TNFRSF10A: variants seen among roughly 807,000 people sequenced by gnomAD.
TNFRSF10A encodes TNF receptor superfamily member 10a.
Under a neutral mutation model 42.8 loss-of-function variants are expected in TNFRSF10A, and 44 were observed. The observed-to-expected ratio is 1.03, with a 90% confidence interval of 0.81 to 1.32. The LOEUF is 1.32. TNFRSF10A is among the 40% of genes most tolerant of loss of function. The pLI is 0.00. For missense variants in TNFRSF10A, 680 were observed against 602.0 expected (o/e 1.13, Z -1.36); for synonymous variants, 259 against 234.2 (o/e 1.11, Z -0.97).
intron 2 of TNFRSF10A, among the ~76,000 whole-genome samples, chr8:23,209,572 C>A (rs2128849845): frequency 6.6e-6 from 1 of 152,350 alleles, no homozygotes; most frequent in Admixed American, 6.5e-5. Flanking sequence ...GGATGTAAGA[C>A]AAGGAGTCAA....
chr8:23,210,550 C>A (rs930074066), intron 2 of TNFRSF10A, among the ~76,000 whole-genome samples: 2 of 152,116 alleles, frequency 1.3e-5, no homozygotes, highest in African/African-American at 4.8e-5. Context: ...GGCGTGGTGG[C>A]AGGCGCCTGT....
At chr8:23,194,394 CAG>C (rs961482219) in intron 9 of TNFRSF10A, among the ~76,000 whole-genome samples, 3 of 152,118 alleles carry the variant, frequency 2.0e-5, no homozygotes, top group African/African-American at 4.8e-5. Flanking sequence ...AATAAGAAAA[CAG>C]AAGTGTCTTC....
chr8:23,198,588 T>G (rs1269455073), intron 8 of TNFRSF10A, among the ~76,000 whole-genome samples: 3 of 151,638 alleles, frequency 2.0e-5, no homozygotes, highest in African/African-American at 7.3e-5. Flanking sequence ...AATGTTCGTT[T>G]AAAACAATGT....
intron 9 of TNFRSF10A, among the ~76,000 whole-genome samples, chr8:23,195,046 C>T (rs1052592819): frequency 6.6e-6 from 1 of 152,186 alleles, no homozygotes; most frequent in South Asian, 2.1e-4. Context: ...GTGGTCCCAG[C>T]TACTCAGGAG....
At chr8:23,214,763 G>T (rs561395205) in intron 1 of TNFRSF10A, among the ~76,000 whole-genome samples, 1 of 152,228 alleles carries the variant, frequency 6.6e-6, no homozygotes, top group South Asian at 2.1e-4. Context: ...TACTAATGAG[G>T]GTTAGGTGAT....
intron 6 of TNFRSF10A, 32 bp from the exon 7 acceptor site, chr8:23,199,949 G>A (rs1800883909): frequency 6.2e-7 from 1 of 1,614,014 alleles, no homozygotes; most frequent in Non-Finnish European, 8.5e-7. Flanking sequence ...TTAGTGGCCA[G>A]GGAGGGGCCC....
chr8:23,217,666 T>C (rs1563386273), intron 1 of TNFRSF10A, among the ~76,000 whole-genome samples: 1 of 151,938 alleles, frequency 6.6e-6, no homozygotes, highest in Non-Finnish European at 1.5e-5. Context: ...ACATGAAACA[T>C]GTCTATGAAA....
chr8:23,198,057 G>A (rs1457358682), intron 8 of TNFRSF10A, among the ~76,000 whole-genome samples: 1 of 151,588 alleles, frequency 6.6e-6, no homozygotes, highest in Non-Finnish European at 1.5e-5. Context: ...GAATAAATGG[G>A]TACTAATGCA....
At chr8:23,220,477 C>T (rs1426281487) in intron 1 of TNFRSF10A, among the ~76,000 whole-genome samples, 2 of 152,212 alleles carry the variant, frequency 1.3e-5, no homozygotes, top group Non-Finnish European at 1.5e-5. Flanking sequence ...TGGCCGTGCT[C>T]CTCTTCAGCT....
At chr8:23,212,056 T>C in intron 2 of TNFRSF10A, 60 bp downstream of exon 2, 1 of 1,418,704 alleles carries the variant, frequency 7.0e-7, no homozygotes, top group South Asian at 1.2e-5. Context: ...AATTTTTGTA[T>C]ATAGTATAGG....
At chr8:23,217,048 A>T (rs1225480500) in intron 1 of TNFRSF10A, among the ~76,000 whole-genome samples, 3 of 152,194 alleles carry the variant, frequency 2.0e-5, no homozygotes, top group African/African-American at 7.2e-5. Context: ...AAGGTGGTTG[A>T]CAATGTTCAG....
At chr8:23,210,467 G>T (rs1801078934) in intron 2 of TNFRSF10A, among the ~76,000 whole-genome samples, 1 of 152,086 alleles carries the variant, frequency 6.6e-6, no homozygotes, top group Non-Finnish European at 1.5e-5. Context: ...AGATCACAAG[G>T]TCAGGAGATC....
rs1382974371 is a variant in TNFRSF10A at position 23,190,923 on chromosome 8, G to A, written c.*771C>T. 6.6e-6 allele frequency: 1 copy of A among 152,190 alleles called. No homozygotes were observed. Among genetic ancestry groups the A allele is most frequent in the African/African-American group, 2.4e-5 (1 of 41,430 alleles). 9.4% of individuals were successfully genotyped at this position (152,190 alleles called of 1,614,324 possible). A position where few individuals can be genotyped will look rare whatever the true frequency, so the allele number is the denominator to read the frequency against. ...CTGGTGTATGCCCTGGAGTCCAAGG[G>A]CTAGAAATCCTAGACTCTGATGTCC... On this transcript the variant is annotated 3_prime_UTR_variant, in exon 10 of 10. Transcript: ENST00000221132.
At chr8:23,211,187 T>A (rs1338509612) in intron 2 of TNFRSF10A, among the ~76,000 whole-genome samples, 1 of 152,146 alleles carries the variant, frequency 6.6e-6, no homozygotes, top group East Asian at 1.9e-4. Context: ...ACATTAAGAA[T>A]AACAAACAAG....
At chr8:23,210,971 ATGG>A (rs1203155739) in intron 2 of TNFRSF10A, among the ~76,000 whole-genome samples, 4 of 152,208 alleles carry the variant, frequency 2.6e-5, no homozygotes, top group Non-Finnish European at 5.9e-5. Flanking sequence ...ATTATATTTA[ATGG>A]TGAACAACTG....
Position 23,199,265 on chromosome 8 carries a change from C to CCAG in TNFRSF10A, c.1012_1014dup (p.Leu338dup), listed in dbSNP as rs1563378131. The CCAG allele has an allele frequency of 6.2e-7, 1 of 1,611,546 alleles. No individual in the cohort carries two copies. Among genetic ancestry groups the CCAG allele is most frequent in the South Asian group, 1.1e-5 (1 of 91,048 alleles). On this transcript the variant is annotated inframe_insertion and splice_region_variant. Transcript: ENST00000221132. ...CTTGGAGGGGCCTGTCCCCAACTCA[C>CCAG]CAGCAGACACTGTGCCTCCCCTGGG...
intron 2 of TNFRSF10A, among the ~76,000 whole-genome samples, chr8:23,203,344 G>C (rs1377355328): frequency 4.6e-5 from 7 of 152,304 alleles, no homozygotes; most frequent in Non-Finnish European, 1.0e-4. Context: ...TGAGGGGAAG[G>C]CTTCAGATAC....
In TNFRSF10A at chr8:23,191,650, T is replaced by G. The variant is rs1020440066; in HGVS notation, c.*44A>C. The G allele has an allele frequency of 6.5e-6, 10 of 1,541,902 alleles. No homozygotes were observed. The highest frequency in any genetic ancestry group is 1.4e-5 in the African/African-American group (1 of 72,142). ...AAAAAAAAAAAAACCTAATATGTAT[T>G]AACTCCTAACACCTAAGAGGAAACC... On this transcript the variant is annotated 3_prime_UTR_variant, in exon 10 of 10. Coordinates refer to ENST00000221132, the MANE Select transcript of TNFRSF10A (RefSeq NM_003844.4).
In TNFRSF10A at chr8:23,191,465, AT is replaced by A; in HGVS notation, c.*228del. The stretch of plus-strand genomic sequence containing the variant: ...ATGCACACACCATCACATCCAGTTA[AT>A]TTTTGTATTTTTTTGTAAAGACGGC... On this transcript the variant is annotated 3_prime_UTR_variant, in exon 10 of 10. Transcript: ENST00000221132. The A allele has an allele frequency of 3.2e-6, 2 of 617,472 alleles. No individual in the cohort carries two copies. The highest frequency in any genetic ancestry group is 5.5e-6 in the Non-Finnish European group (2 of 363,946). The allele number at this position is 617,472 out of a possible 1,614,324, so 38.2% of individuals were successfully genotyped here.
Sources: gnomAD v4.1 joint callset for allele counts (sites outside exome capture counted in the v4.1 genomes callset) on GRCh38, gnomAD v4.1.1 for gene constraint, MANE v1.5 for transcripts, NCBI Gene and HGNC (gene_info 2026-07-23, HGNC 2026-07-21) for gene names.